The following NPC1 variants were observed in gnomAD, a reference collection of about 807,000 sequenced individuals.
The protein encoded by NPC1 is NPC intracellular cholesterol transporter 1.
NPC1 carries 85 observed loss-of-function variants against 140.4 expected under a neutral mutation model. That is an observed-to-expected ratio of 0.61 (90% CI 0.51 to 0.72). NPC1 has a LOEUF of 0.72. Among genes scored for constraint, NPC1 ranks in the 30% least tolerant of loss-of-function variants. The pLI is 0.00. For synonymous variants in NPC1, 656 were observed against 624.8 expected, an observed-to-expected ratio of 1.05 and a Z score of -0.74; for missense variants, 1,504 against 1,623.8, an observed-to-expected ratio of 0.93 and a Z score of 1.27.
chr18:23,581,333 C>T (rs1347728017), intron 1 of NPC1, among the ~76,000 whole-genome samples: 5 of 152,162 alleles, frequency 3.3e-5, no homozygotes, highest in Non-Finnish European at 7.3e-5. Context: ...GCTCTACTAA[C>T]CAAGTGGAAT....
At chr18:23,580,009 T>G (rs1324118250) in intron 1 of NPC1, among the ~76,000 whole-genome samples, 1 of 152,236 alleles carries the variant, frequency 6.6e-6, no homozygotes, top group East Asian at 1.9e-4. Context: ...GTGAGAATTC[T>G]ATTCCACTGC....
At chr18:23,557,530 C>T (rs1181472858) in intron 6 of NPC1, among the ~76,000 whole-genome samples, 3 of 152,268 alleles carry the variant, frequency 2.0e-5, no homozygotes, top group African/African-American at 7.2e-5. Context: ...CCAAGGTGGG[C>T]GGGATCACGA....
Position 23,538,618 on chromosome 18 carries a change from T to G in NPC1, c.2965A>C (p.Arg989=). Residue 989 remains arginine (R), a synonymous_variant, in exon 20 of 25, where the codon AGG becomes CGG. Coordinates refer to ENST00000269228, the MANE Select transcript of NPC1 (RefSeq NM_000271.5). ...CRPLTPEGKQ[R]PQGGDFMRFL... ...CTCATGAAGTCTCCCCCCTGAGGCCTCTGTTTGCCTTCCGGAGTCAGAGGC... is the reference window on the plus strand; with the variant it reads ...CTCATGAAGTCTCCCCCCTGAGGCCGCTGTTTGCCTTCCGGAGTCAGAGGC... The G allele has an allele frequency of 6.2e-7, 1 of 1,614,174 alleles. No individual in the cohort carries two copies. Among genetic ancestry groups the G allele is most frequent in the Middle Eastern group, 1.6e-4 (1 of 6,062 alleles).
chr18:23,516,533 A>T, intron 3 of NPC1: 1 of 1,078,756 alleles, frequency 9.3e-7, no homozygotes, highest in African/African-American at 1.6e-5. Flanking sequence ...AGAACACATA[A>T]GGAGGACTCC....
intron 15 of NPC1, 24 bp from the exon 16 acceptor site, chr18:23,541,232 G>A (rs766304855): frequency 1.2e-6 from 2 of 1,614,062 alleles, no homozygotes; most frequent in Non-Finnish European, 1.7e-6. Context: ...GGGAAACAAA[G>A]GTTATACCCG....
At position 23,532,068 on chromosome 18, in the gene NPC1, G is replaced by C; in HGVS notation, c.*134C>G. On this transcript the variant is annotated 3_prime_UTR_variant, in exon 25 of 25. Coordinates refer to ENST00000269228, the MANE Select transcript of NPC1 (RefSeq NM_000271.5). ...GCATTCCTGAGTTCACAGGCGCTAC[G>C]TTCAAAGCTGCTGCCAAACAACCGA... The C allele has an allele frequency of 6.2e-7, 1 of 1,606,252 alleles. No individual in the cohort carries two copies. Among genetic ancestry groups the C allele is most frequent in the Non-Finnish European group, 8.5e-7 (1 of 1,177,200 alleles).
At chr18:23,577,909 T>C (rs937490694) in intron 1 of NPC1, among the ~76,000 whole-genome samples, 18 of 152,218 alleles carry the variant, frequency 1.2e-4, no homozygotes, top group African/African-American at 4.1e-4. Flanking sequence ...CCAGCAGGGC[T>C]GGCTGGCTGC....
intron 10 of NPC1, among the ~76,000 whole-genome samples, chr18:23,550,876 C>G (rs7242568): frequency 6.6e-6 from 1 of 152,164 alleles, no homozygotes; most frequent in East Asian, 1.9e-4. Flanking sequence ...TCCCCTATGG[C>G]TAGTCAGTTG....
chr18:23,570,915 C>T (rs1430047401), intron 3 of NPC1, among the ~76,000 whole-genome samples: 3 of 152,138 alleles, frequency 2.0e-5, no homozygotes, highest in African/African-American at 7.2e-5. Context: ...TCTATCACAA[C>T]CCTTCACCAG....
Position 23,532,230 on chromosome 18 carries a change from G to T in NPC1, c.3809C>A (p.Thr1270Lys), listed in dbSNP as rs766749740. 6.2e-7 allele frequency: 1 copy of T among 1,614,152 alleles called. No individual in the cohort carries two copies. Among genetic ancestry groups the T allele is most frequent in the Non-Finnish European group, 8.5e-7 (1 of 1,180,036 alleles). The change falls in exon 25 of 25, where the codon ACA becomes AAA. Residue 1270 changes from threonine to lysine, a missense_variant. Thr to Lys is a moderately conservative substitution (Grantham distance 78). Transcript: ENST00000269228. ...SCATEERYKG[T>K]ERERLLNF ...GAAATTTAGAAGCCGTTCGCGCTCT[G>T]TTCCTTTGTATCGCTCTTCAGTGGC...
rs59792558 is a variant in NPC1, at chr18:23,539,131, G to A, written c.2911+224C>T. Among the ~76,000 whole-genome samples, 1,588 of 152,264 alleles carry A rather than the reference G, an allele frequency of 0.01. 22 individuals carry two copies. Among genetic ancestry groups the A allele is most frequent in the African/African-American group, 0.036 (1,501 of 41,544 alleles). On this transcript the variant is annotated intron_variant, in intron 19 of 24. Transcript: ENST00000269228. ...AAACCTTATGTGGAAACCACACTCC[G>A]AACATGTGGACCTTGTTCAGCTTGC... is the stretch of plus-strand genomic sequence containing the variant.
In NPC1 at chr18:23,535,669, T is replaced by C. The variant is rs1598937483; in HGVS notation, c.3277A>G (p.Thr1093Ala). ...VFYVFYEQYL[T>A]IIDDTIFNLG... The stretch of plus-strand genomic sequence containing the variant: ...TTGAAGATAGTGTCGTCAATGATGG[T>C]CAGGTACTGTTCGTAGAAGACATAA... The change falls in exon 22 of 25, where the codon ACC becomes GCC. Residue 1093 changes from threonine (T) to alanine (A), a missense_variant. Coordinates refer to ENST00000269228, the MANE Select transcript of NPC1 (RefSeq NM_000271.5). The C allele has an allele frequency of 6.2e-7, 1 of 1,613,948 alleles. No homozygotes were observed. Among genetic ancestry groups the C allele is most frequent in the Non-Finnish European group, 8.5e-7 (1 of 1,179,920 alleles).
At chr18:23,532,903 T>C in intron 24 of NPC1, 1 of 985,286 alleles carries the variant, frequency 1.0e-6, no homozygotes. Flanking sequence ...GCCATAGAAG[T>C]AAAAGGATCA....
At chr18:23,529,644 C>T (rs755687390), downstream of NPC1, 4 of 1,614,050 alleles carry the variant, frequency 2.5e-6, no homozygotes, top group Admixed American at 1.7e-5. Flanking sequence ...GGAGATGCCT[C>T]ATAAATTTGT....
intron 4 of NPC1, among the ~76,000 whole-genome samples, chr18:23,562,352 C>A (rs1216336575): frequency 3.3e-5 from 5 of 150,926 alleles, no homozygotes; most frequent in Non-Finnish European, 7.4e-5. Context: ...ATTTTATTTT[C>A]TTACACATAC....
chr18:23,568,655 T>C (rs2059159838), intron 4 of NPC1, among the ~76,000 whole-genome samples, 168 bp downstream of exon 4: 1 of 152,204 alleles, frequency 6.6e-6, no homozygotes, highest in Admixed American at 6.5e-5. Flanking sequence ...ATTTTTATAT[T>C]CGTTGCAGTT....
downstream of NPC1, chr18:23,519,126 C>A: frequency 6.2e-7 from 1 of 1,614,112 alleles, no homozygotes; most frequent in Non-Finnish European, 8.5e-7. Flanking sequence ...GAAAGTTTGC[C>A]CTGAACGTGG....
rs112490232 is a variant in NPC1 at position 23,559,959 on chromosome 18, C to CA, written c.881+271dup. The stretch of plus-strand genomic sequence containing the variant: ...GGCGACAAGAGTGAGACTCAGTCTC[C>CA]AAAAAAAAAAAGAATCAGTGGCTAA... On this transcript the variant is annotated intron_variant, in intron 6 of 24. Coordinates refer to ENST00000269228, the MANE Select transcript of NPC1 (RefSeq NM_000271.5). Among the ~76,000 whole-genome samples the CA allele has an allele frequency of 3.8e-3, 517 of 137,390 alleles. 1 individual carries two copies. The highest frequency in any genetic ancestry group is 9.8e-3 in the African/African-American group (372 of 37,814). 90.1% of individuals were successfully genotyped at this position (137,390 alleles called of 152,430 possible). A position where few individuals can be genotyped will look rare whatever the true frequency, so the allele number is the denominator to read the frequency against.
downstream of NPC1, chr18:23,528,975 G>A (rs1485112048): frequency 8.4e-6 from 6 of 718,028 alleles, no homozygotes; most frequent in Middle Eastern, 8.5e-4. Context: ...TGCCTCCTGG[G>A]TTCAAGGGAT....
Sources: gnomAD v4.1 joint callset for allele counts (sites outside exome capture counted in the v4.1 genomes callset) on GRCh38, gnomAD v4.1.1 for gene constraint, MANE v1.5 for transcripts, NCBI Gene and HGNC (gene_info 2026-07-23, HGNC 2026-07-21) for gene names.